VRK2: variants seen among roughly 807,000 people sequenced by gnomAD.
VRK2 encodes VRK serine/threonine kinase 2, also known as serine/threonine-protein kinase VRK2.
VRK2 carries 60 observed loss-of-function variants against 57.6 expected under a neutral mutation model. That is an observed-to-expected ratio of 1.04 (90% CI 0.85 to 1.29). The LOEUF is 1.29. Among genes scored for constraint, VRK2 ranks in the 50% most tolerant of loss-of-function variants. The pLI is 0.00. For synonymous variants in VRK2, 231 were observed against 199.2 expected (o/e 1.16, Z -1.35); for missense variants, 705 against 588.1 (o/e 1.20, Z -2.06).
intron 1 of VRK2, among the ~76,000 whole-genome samples, chr2:57,990,336 T>C (rs989380668): frequency 1.3e-5 from 2 of 152,192 alleles, no homozygotes; most frequent in Non-Finnish European, 1.5e-5. Context: ...ACAGTTCCCC[T>C]TAGACTACAA....
chr2:58,102,917 T>C (rs186249514), intron 7 of VRK2, among the ~76,000 whole-genome samples: 10 of 151,782 alleles, frequency 6.6e-5, no homozygotes, highest in African/African-American at 2.4e-4. Flanking sequence ...AAACTAGAAA[T>C]TAATACCATG....
At chr2:57,914,125 G>C (rs1269928283) in intron 1 of VRK2, among the ~76,000 whole-genome samples, 2 of 151,898 alleles carry the variant, frequency 1.3e-5, no homozygotes, top group African/African-American at 4.8e-5. Flanking sequence ...AGGATCCTCT[G>C]TCCATTAGTC....
At chr2:58,007,326 G>C (rs1045451991) in intron 1 of VRK2, among the ~76,000 whole-genome samples, 7 of 151,116 alleles carry the variant, frequency 4.6e-5, no homozygotes, top group African/African-American at 2.4e-5. Context: ...GGAAAATCGT[G>C]GCTAACAGAA....
At chr2:58,106,654 A>G (rs1237794721) in intron 7 of VRK2, among the ~76,000 whole-genome samples, 1 of 152,036 alleles carries the variant, frequency 6.6e-6, no homozygotes, top group Non-Finnish European at 1.5e-5. Context: ...TCAGTTTGTA[A>G]ATATGAATAG....
intron 10 of VRK2, 85 bp from the exon 11 acceptor site, chr2:58,139,579 CAA>C: frequency 1.7e-6 from 2 of 1,191,804 alleles, no homozygotes; most frequent in South Asian, 3.1e-5. Flanking sequence ...GTGTAAAAGA[CAA>C]AGATAACAAA....
chr2:58,143,040 A>G (rs1434986719), intron 11 of VRK2, among the ~76,000 whole-genome samples: 1 of 151,850 alleles, frequency 6.6e-6, no homozygotes, highest in African/African-American at 2.4e-5. Flanking sequence ...GCATATCCAG[A>G]GTTGAATATA....
intron 1 of VRK2, among the ~76,000 whole-genome samples, chr2:57,953,553 A>C (rs1330582118): frequency 2.6e-5 from 4 of 152,160 alleles, no homozygotes; most frequent in Admixed American, 2.6e-4. Flanking sequence ...ACACTTAAAC[A>C]CTTTTCTGCT....
chr2:57,968,528 T>G (rs1440698072), intron 1 of VRK2, among the ~76,000 whole-genome samples: 3 of 152,094 alleles, frequency 2.0e-5, no homozygotes, highest in Non-Finnish European at 4.4e-5. Context: ...AATAAACATT[T>G]GTAGTACCTT....
chr2:58,040,956 A>C, intron 3 of VRK2: 1 of 818,840 alleles, frequency 1.2e-6, no homozygotes, highest in Non-Finnish European at 1.5e-6. Context: ...TTCTCCTCTG[A>C]AGGTGTCAAC....
intron 1 of VRK2, among the ~76,000 whole-genome samples, chr2:57,938,938 C>T (rs1671005435): frequency 6.6e-6 from 1 of 152,148 alleles, no homozygotes; most frequent in African/African-American, 2.4e-5. Context: ...AATAACAATT[C>T]CTCATTCAGA....
At chr2:58,013,745 G>T (rs994724584) in intron 1 of VRK2, among the ~76,000 whole-genome samples, 2 of 150,560 alleles carry the variant, frequency 1.3e-5, no homozygotes, top group African/African-American at 4.9e-5. Context: ...TGTAGTCCCA[G>T]CTACTCGGGA....
intron 2 of VRK2, among the ~76,000 whole-genome samples, chr2:58,053,643 T>G (rs1019161250): frequency 2.0e-5 from 3 of 152,212 alleles, no homozygotes; most frequent in Non-Finnish European, 4.4e-5. Flanking sequence ...TTTTAAGGTA[T>G]GCAGAATAAA....
At chr2:58,132,849 C>G (rs1436092174) in intron 9 of VRK2, among the ~76,000 whole-genome samples, 2 of 152,132 alleles carry the variant, frequency 1.3e-5, no homozygotes, top group East Asian at 3.9e-4. Flanking sequence ...TGAAACATTT[C>G]TCCACTCAGA....
At chr2:58,024,647 T>C (rs1673868614) in intron 1 of VRK2, among the ~76,000 whole-genome samples, 2 of 152,186 alleles carry the variant, frequency 1.3e-5, no homozygotes, top group Admixed American at 6.5e-5. Flanking sequence ...AGCCAGCCTA[T>C]CCACAGATCC....
intron 7 of VRK2, among the ~76,000 whole-genome samples, chr2:58,103,553 G>A (rs1340610877): frequency 6.6e-6 from 1 of 151,664 alleles, no homozygotes; most frequent in African/African-American, 2.4e-5. Flanking sequence ...GGAAGAAATA[G>A]AAATCCTGAA....
chr2:57,922,734 C>G (rs1670393931), intron 1 of VRK2, among the ~76,000 whole-genome samples: 1 of 148,948 alleles, frequency 6.7e-6, no homozygotes, highest in Admixed American at 6.7e-5. Context: ...TTTATTCTCT[C>G]TTTGCGATAC....
In VRK2 at chr2:58,031,839, G is replaced by GA. The variant is rs146408033; in HGVS notation, c.-332-1381dup. ...AATTTACACATTCACTCATACAAAC[G>GA]AAAAAAATGGAAGGAAGGTAGAAGA... On this transcript the variant is annotated intron_variant, in intron 2 of 15. Transcript: ENST00000417641. Among the ~76,000 whole-genome samples the GA allele has an allele frequency of 7.6e-4, 115 of 151,634 alleles. 4 individuals are homozygous for GA. In the East Asian group the frequency reaches 0.02, roughly 27 times the overall value.
intron 4 of VRK2, among the ~76,000 whole-genome samples, chr2:58,085,761 A>C (rs1213485499): frequency 6.6e-6 from 1 of 151,922 alleles, no homozygotes; most frequent in Non-Finnish European, 1.5e-5. Flanking sequence ...ATTGTTTATC[A>C]GTAGAGCTGT....
intron 1 of VRK2, among the ~76,000 whole-genome samples, chr2:57,978,816 C>A (rs942793162): frequency 1.3e-5 from 2 of 150,602 alleles, no homozygotes; most frequent in Non-Finnish European, 2.9e-5. Flanking sequence ...CCCGACCCTA[C>A]AACAGGCCCT....
Sources: gnomAD v4.1 joint callset for allele counts (sites outside exome capture counted in the v4.1 genomes callset) on GRCh38, gnomAD v4.1.1 for gene constraint, MANE v1.5 for transcripts, NCBI Gene and HGNC (gene_info 2026-07-23, HGNC 2026-07-21) for gene names.